Variants in PMS2 observed in about 807,000 individuals in gnomAD.
The protein encoded by PMS2 is PMS1 homolog 2, mismatch repair system component.
Under a neutral mutation model 90.0 loss-of-function variants are expected in PMS2, and 69 were observed. The observed-to-expected ratio is 0.77, with a 90% CI of 0.63 to 0.94. PMS2 has a LOEUF of 0.94. PMS2 is among the 40% of genes least tolerant of loss of function. PMS2 has a pLI of 0.00. For synonymous variants in PMS2, 332 were observed against 375.1 expected (o/e 0.89, Z 1.33); for missense variants, 966 against 1,040.2 (o/e 0.93, Z 0.98).
chr7:5,976,106 G>T (rs1302315581), intron 14 of PMS2, among the ~76,000 whole-genome samples: 12 of 142,852 alleles, frequency 8.4e-5, no homozygotes, highest in African/African-American at 3.0e-4. Context: ...AGGTGTGGTG[G>T]GTGCCTGTAG....
intron 12 of PMS2, among the ~76,000 whole-genome samples, chr7:5,982,300 G>C (rs991343401): frequency 1.3e-5 from 2 of 152,262 alleles, no homozygotes; most frequent in African/African-American, 4.8e-5. Flanking sequence ...CCGCCTCCCG[G>C]GTTCAAGCGA....
At chr7:6,000,276 A>C (rs1357593249) in intron 5 of PMS2, among the ~76,000 whole-genome samples, 2 of 151,512 alleles carry the variant, frequency 1.3e-5, no homozygotes, top group Non-Finnish European at 2.9e-5. Context: ...TGGGAGGCTG[A>C]AGTGGGAAGA....
At chr7:6,006,129 A>C (rs1363066931) in intron 1 of PMS2, 98 bp from the exon 2 acceptor site, 2 of 1,297,676 alleles carry the variant, frequency 1.5e-6, no homozygotes, top group Admixed American at 3.4e-5. Flanking sequence ...TAAATAATTT[A>C]TGGGTCTAAT....
chr7:6,006,431 A>G lies in PMS2; in HGVS notation c.24-400T>C, dbSNP rs71541538. Among the ~76,000 whole-genome samples, 1,188 of 152,162 alleles carry G rather than the reference A, an allele frequency of 7.8e-3. 10 individuals are homozygous for G. The highest frequency in any genetic ancestry group is 0.028 in the African/African-American group (1,144 of 41,526). On this transcript the variant is annotated intron_variant, in intron 1 of 14. Coordinates refer to ENST00000265849, the MANE Select transcript of PMS2 (RefSeq NM_000535.7). Reference sequence around the variant, plus strand: ...CTTTGGGAAGCAGAGATGGGTGGATAACTTGAGGTCAGGAGTTCGACACCA... The same window carrying G: ...CTTTGGGAAGCAGAGATGGGTGGATGACTTGAGGTCAGGAGTTCGACACCA...
At chr7:5,996,385 C>T (rs1178581798) in intron 7 of PMS2, among the ~76,000 whole-genome samples, 1 of 151,766 alleles carries the variant, frequency 6.6e-6, no homozygotes, top group East Asian at 1.9e-4. Flanking sequence ...GAAACCCCGT[C>T]TCCACTAAAA....
At position 5,988,605 on chromosome 7, in the gene PMS2, G is replaced by A. The variant is rs1302438587; in HGVS notation, c.1145-985C>T. On this transcript the variant is annotated intron_variant, in intron 10 of 14. Transcript: ENST00000265849. ...GCCTATCTATGCTCGTCAAAAAGAC[G>A]TGGATGAGGATGTTCATGACAGCAT... Among the ~76,000 whole-genome samples, 4 of 152,148 alleles carry A rather than the reference G, an allele frequency of 2.6e-5. 1 individual carries two copies. Among genetic ancestry groups the A allele is most frequent in the Non-Finnish European group, 4.4e-5 (3 of 68,022 alleles).
chr7:5,981,408 C>T (rs1228101583), intron 12 of PMS2, among the ~76,000 whole-genome samples: 1 of 149,626 alleles, frequency 6.7e-6, no homozygotes, highest in Non-Finnish European at 1.5e-5. Flanking sequence ...TCAAGTCTGA[C>T]TAATTTTTTA....
At chr7:5,985,415 A>C (rs1418665119) in intron 11 of PMS2, among the ~76,000 whole-genome samples, 1 of 151,542 alleles carries the variant, frequency 6.6e-6, no homozygotes, top group African/African-American at 2.4e-5. Flanking sequence ...CCTGAGGAGG[A>C]AAAATGTATA....
intron 4 of PMS2, 143 bp from the exon 5 acceptor site, chr7:6,002,779 T>C (rs925950513): frequency 3.1e-5 from 23 of 745,236 alleles, no homozygotes; most frequent in African/African-American, 2.4e-4. Flanking sequence ...TCTAAATGGT[T>C]GAGGAGTCAT....
intron 4 of PMS2, among the ~76,000 whole-genome samples, chr7:6,002,890 G>A (rs1198859730): frequency 2.6e-5 from 4 of 152,156 alleles, no homozygotes; most frequent in African/African-American, 9.6e-5. Flanking sequence ...AGGTTGAACT[G>A]CAAAACCATA....
chr7:5,980,868 T>G (rs1042635066), intron 12 of PMS2, among the ~76,000 whole-genome samples: 1 of 149,870 alleles, frequency 6.7e-6, no homozygotes, highest in Non-Finnish European at 1.5e-5. Context: ...TAAAAACAAT[T>G]CACGCATTCC....
chr7:6,007,908 G>A (rs1159233602), intron 1 of PMS2, among the ~76,000 whole-genome samples: 3 of 147,152 alleles, frequency 2.0e-5, no homozygotes, highest in East Asian at 2.0e-4. Context: ...TGCCCAGGCC[G>A]GACTGCAGTG....
Position 5,989,810 on chromosome 7 carries a change from C to T in PMS2, c.1134G>A (p.Leu378=), listed in dbSNP as rs754576828. 6.2e-7 allele frequency: 1 copy of T among 1,612,424 alleles called. No individual in the cohort carries two copies. Among genetic ancestry groups the T allele is most frequent in the Non-Finnish European group, 8.5e-7 (1 of 1,178,718 alleles). The change falls in exon 10 of 15, where the codon CTG becomes CTA. Residue 378 remains leucine, a synonymous_variant. Coordinates refer to ENST00000265849, the MANE Select transcript of PMS2 (RefSeq NM_000535.7). ...NKLNVSQQPL[L]DVEGNLIKMH... is the part of the protein sequence containing the mutation. ...CTGTATTTTTCTTACCTTCAACATC[C>T]AGCAGTGGCTGCTGACTGACATTTA...
rs1336375415 is a variant in PMS2, at chr7:5,995,691, G to T, written c.804-58C>A. 4 of 1,122,596 alleles carry T rather than the reference G, an allele frequency of 3.6e-6. No homozygotes were observed. The highest frequency in any genetic ancestry group is 5.5e-6 in the Non-Finnish European group (4 of 731,136). 69.5% of individuals were successfully genotyped at this position (1,122,596 alleles called of 1,614,324 possible). Reference sequence around the variant, plus strand: ...CCAGAGTGAAAGGGATTAGAAATACGATCACATGGCACATTCTTAAAGTGA... The same window carrying T: ...CCAGAGTGAAAGGGATTAGAAATACTATCACATGGCACATTCTTAAAGTGA... On this transcript the variant is annotated intron_variant, in intron 7 of 14. Transcript: ENST00000265849.
chr7:5,983,077 C>A (rs1782483630), intron 11 of PMS2, 86 bp from the exon 12 acceptor site: 3 of 1,555,244 alleles, frequency 1.9e-6, no homozygotes, highest in Non-Finnish European at 2.6e-6. Flanking sequence ...AAAAAAAAGT[C>A]AAACAATACA....
intron 8 of PMS2, among the ~76,000 whole-genome samples, chr7:5,992,543 CT>C (rs1783885246): frequency 6.6e-6 from 1 of 152,070 alleles, no homozygotes; most frequent in Non-Finnish European, 1.5e-5. Context: ...TGGTCTCGAA[CT>C]CCTGACCTCA....
intron 6 of PMS2, among the ~76,000 whole-genome samples, 165 bp from the exon 7 acceptor site, chr7:5,997,588 A>C (rs1287403578): frequency 1.3e-5 from 2 of 152,152 alleles, no homozygotes; most frequent in Admixed American, 1.3e-4. Flanking sequence ...TCTATTGCCC[A>C]GGCTGGAGTA....
intron 6 of PMS2, among the ~76,000 whole-genome samples, chr7:5,998,673 A>C (rs1421944938): frequency 1.3e-5 from 2 of 149,274 alleles, no homozygotes; most frequent in Admixed American, 6.7e-5. Flanking sequence ...CAACCTGGGC[A>C]ACAGAGCAAG....
intron 4 of PMS2, 102 bp downstream of exon 4, chr7:6,003,588 T>G (rs553755505): frequency 1.6e-5 from 11 of 709,310 alleles, no homozygotes; most frequent in Middle Eastern, 7.5e-4. Flanking sequence ...AAGCTAGAAG[T>G]TGAGATGTTG....
Sources: gnomAD v4.1 joint callset for allele counts (sites outside exome capture counted in the v4.1 genomes callset) on GRCh38, gnomAD v4.1.1 for gene constraint, MANE v1.5 for transcripts, NCBI Gene and HGNC (gene_info 2026-07-23, HGNC 2026-07-21) for gene names.